The following PTPRH variants were observed in gnomAD, a reference collection of about 807,000 sequenced individuals.
PTPRH encodes receptor-type tyrosine-protein phosphatase H.
A neutral mutation model predicts 130.2 loss-of-function variants in PTPRH; 113 were observed. The observed-to-expected ratio is 0.87, with a 90% confidence interval of 0.75 to 1.01. PTPRH has a LOEUF of 1.01. PTPRH is among the 50% of genes least tolerant of loss of function. PTPRH has a pLI of 0.00. For synonymous variants in PTPRH, 556 were observed against 577.9 expected (o/e 0.96, Z 0.54); for missense variants, 1,430 against 1,425.0 (o/e 1.00, Z -0.06).
intron 18 of PTPRH, among the ~76,000 whole-genome samples, chr19:55,183,969 T>C (rs554658126): frequency 4.8e-4 from 73 of 152,066 alleles, no homozygotes; most frequent in African/African-American, 1.7e-3. Flanking sequence ...AATGATGTGA[T>C]GACATCCACT....
At chr19:55,202,531 G>A (rs1271833711) in intron 5 of PTPRH, among the ~76,000 whole-genome samples, 3 of 152,044 alleles carry the variant, frequency 2.0e-5, no homozygotes, top group Admixed American at 6.6e-5. Flanking sequence ...GATCCACACC[G>A]GCTTTCGAAG....
chr19:55,203,927 T>A lies in PTPRH; in HGVS notation c.741A>T (p.Gly247=). ...TTCGAGTCTCTGTTCTGCCACCATC[T>A]CCAGTGCACTGAACGCAGTAGGTCG... is the stretch of plus-strand genomic sequence containing the variant. ...QNSTYCVQCT[G]DGGRTETRNT... The change falls in exon 5 of 20, where the codon GGA becomes GGT. Residue 247 remains glycine (G), a synonymous_variant. Coordinates refer to ENST00000376350, the MANE Select transcript of PTPRH (RefSeq NM_002842.5). 1 of 1,614,112 alleles carries A rather than the reference T, an allele frequency of 6.2e-7. No individual in the cohort carries two copies. The highest frequency in any genetic ancestry group is 1.1e-5 in the South Asian group (1 of 91,078).
At position 55,206,727 on chromosome 19, in the gene PTPRH, C is replaced by T. The variant is rs2122353771; in HGVS notation, c.314G>A (p.Gly105Glu). The T allele has an allele frequency of 6.2e-7, 1 of 1,612,670 alleles. No individual in the cohort carries two copies. Among genetic ancestry groups the T allele is most frequent in the East Asian group, 2.2e-5 (1 of 44,828 alleles). The change falls in exon 3 of 20, where the codon GGA (glycine) becomes GAA (glutamate). Residue 105 changes from glycine (G) to glutamate (E), a missense_variant. Coordinates refer to ENST00000376350, the MANE Select transcript of PTPRH (RefSeq NM_002842.5). ...YTCSVWVEKDGVNSSVGTVTT... is the reference protein window; with the variant it reads ...YTCSVWVEKDEVNSSVGTVTT... ...GACAGTCCCCACAGAGCTATTTACT[C>T]CGTCTTTCTCCACCCACACAGAACA...
chr19:55,204,376 A>G (rs1453283377), intron 4 of PTPRH, among the ~76,000 whole-genome samples: 1 of 152,140 alleles, frequency 6.6e-6, no homozygotes, highest in African/African-American at 2.4e-5. Context: ...AAGTGCTGGG[A>G]CTACAGGCGT....
At chr19:55,181,960 C>T (rs1488666466) in intron 19 of PTPRH, 56 bp downstream of exon 19, 56 of 1,613,452 alleles carry the variant, frequency 3.5e-5, no homozygotes, top group South Asian at 5.5e-5. Flanking sequence ...TGCGTGGAGC[C>T]CCAGGGTCCC....
At chr19:55,201,177 T>G (rs2086852729) in intron 6 of PTPRH, among the ~76,000 whole-genome samples, 1 of 151,844 alleles carries the variant, frequency 6.6e-6, no homozygotes, top group Non-Finnish European at 1.5e-5. Context: ...GGCCAGGAGT[T>G]AGAGACCAGC....
chr19:55,197,801 T>C (rs991512206), intron 8 of PTPRH, among the ~76,000 whole-genome samples: 5 of 152,206 alleles, frequency 3.3e-5, no homozygotes, highest in Admixed American at 1.3e-4. Flanking sequence ...ATCTGATCTC[T>C]GTATTTTCTT....
intron 10 of PTPRH, chr19:55,194,326 A>T (rs2086626024): frequency 2.3e-6 from 3 of 1,282,136 alleles, no homozygotes; most frequent in Non-Finnish European, 1.0e-6. Context: ...GTTGACAGGG[A>T]ACTGAAGGGT....
intron 9 of PTPRH, 88 bp from the exon 10 acceptor site, chr19:55,196,876 C>T: frequency 6.7e-7 from 1 of 1,487,872 alleles, no homozygotes; most frequent in African/African-American, 1.4e-5. Context: ...TGAGACGAGC[C>T]CATCCCTTCC....
chr19:55,200,570 C>T, intron 6 of PTPRH, 68 bp from the exon 7 acceptor site: 1 of 1,500,036 alleles, frequency 6.7e-7, no homozygotes, highest in African/African-American at 1.4e-5. Context: ...GAGTGGGCCC[C>T]TCACTGCCCT....
At chr19:55,195,980 G>A (rs1217845773) in intron 10 of PTPRH, among the ~76,000 whole-genome samples, 1 of 152,080 alleles carries the variant, frequency 6.6e-6, no homozygotes, top group Non-Finnish European at 1.5e-5. Flanking sequence ...CTAGGGGGTG[G>A]TGGCTCAGCG....
intron 9 of PTPRH, among the ~76,000 whole-genome samples, 155 bp from the exon 10 acceptor site, chr19:55,196,943 CA>C (rs1035822491): frequency 6.6e-6 from 1 of 152,200 alleles, no homozygotes; most frequent in Admixed American, 6.5e-5. Context: ...CGAATGGACA[CA>C]AATAAGTCCT....
At chr19:55,184,372 G>A (rs530090640) in intron 18 of PTPRH, among the ~76,000 whole-genome samples, 2 of 152,210 alleles carry the variant, frequency 1.3e-5, no homozygotes, top group Non-Finnish European at 2.9e-5. Flanking sequence ...ATGAGGAGCA[G>A]TAGAACTGTG....
rs764904648 is a variant in PTPRH, at chr19:55,200,492, T to G, written c.1164A>C (p.Pro388=). The change falls in exon 7 of 20, where the codon CCA becomes CCC. Residue 388 remains proline (P), a synonymous_variant. Transcript: ENST00000376350. ...GAGTCTCCATATGGAGGTTTCTCAC[T>G]GGGTTGGGGGCTGAGAAAGTAGGAA... ...ETRNATTAPN[P]VRNLHMETQT... is the part of the protein sequence containing the mutation. 15 of 1,614,074 alleles carry G rather than the reference T, an allele frequency of 9.3e-6. No homozygotes were observed. The Admixed American group carries it at 2.5e-4, about 27-fold the overall frequency.
chr19:55,203,795 G>A lies in PTPRH; in HGVS notation c.873C>T (p.Val291=), dbSNP rs1217572327. Residue 291 remains valine, a synonymous_variant, in exon 5 of 20, where the codon GTC becomes GTT. Coordinates refer to ENST00000376350, the MANE Select transcript of PTPRH (RefSeq NM_002842.5). The stretch of plus-strand genomic sequence containing the variant: ...GCTGCCTCTTACCTGTGGCACTAGT[G>A]ACAATCTCCACAGAGCTATTTACTC... ...KDGVNSSVEI[V]TSATAPNPVR... The A allele has an allele frequency of 1.2e-6, 2 of 1,603,480 alleles. No homozygotes were observed. The highest frequency in any genetic ancestry group is 1.7e-6 in the Non-Finnish European group (2 of 1,170,994).
chr19:55,204,200 G>T, intron 4 of PTPRH, 152 bp from the exon 5 acceptor site: 1 of 851,804 alleles, frequency 1.2e-6, no homozygotes, highest in South Asian at 1.9e-5. Context: ...GCTCACCACA[G>T]CCTCCGCCGT....
chr19:55,199,478 G>C (rs898115455), intron 7 of PTPRH, among the ~76,000 whole-genome samples: 1 of 152,116 alleles, frequency 6.6e-6, no homozygotes, highest in African/African-American at 2.4e-5. Context: ...GGTGGTGCGT[G>C]CCTGTTGTCA....
rs891551751 is a variant in PTPRH, at chr19:55,186,557, G to A, written c.2567-17C>T. The stretch of plus-strand genomic sequence containing the variant: ...ACCAGTCATCTAGGAGAAGAGGCCA[G>A]CATTAGCCAGGCAGAGAGACCCAGA... On this transcript the variant is annotated splice_polypyrimidine_tract_variant and intron_variant, in intron 14 of 19. Coordinates refer to ENST00000376350, the MANE Select transcript of PTPRH (RefSeq NM_002842.5). 1 of 1,269,310 alleles carries A rather than the reference G, an allele frequency of 7.9e-7. No individual in the cohort carries two copies. Among genetic ancestry groups the A allele is most frequent in the Non-Finnish European group, 1.0e-6 (1 of 994,074 alleles). The allele number at this position is 1,269,310 out of a possible 1,614,324, so 78.6% of individuals were successfully genotyped here.
chr19:55,197,458 A>G, intron 8 of PTPRH, 42 bp from the exon 9 acceptor site: 1 of 1,548,510 alleles, frequency 6.5e-7, no homozygotes, highest in Non-Finnish European at 8.8e-7. Context: ...ATCCTCGAAG[A>G]CCCTCCTACC....
Sources: gnomAD v4.1 joint callset for allele counts (sites outside exome capture counted in the v4.1 genomes callset) on GRCh38, gnomAD v4.1.1 for gene constraint, MANE v1.5 for transcripts, NCBI Gene and HGNC (gene_info 2026-07-23, HGNC 2026-07-21) for gene names.